The following HCRTR2 variants were observed in gnomAD, a reference collection of about 807,000 sequenced individuals.
The protein encoded by HCRTR2 is hypocretin receptor 2.
Under a neutral mutation model 49.0 loss-of-function variants are expected in HCRTR2, and 22 were observed. The observed-to-expected ratio is 0.45, with a 90% CI of 0.32 to 0.64. The LOEUF is 0.64. Among genes scored for constraint, HCRTR2 ranks in the 30% least tolerant of loss-of-function variants. The pLI is 0.04. For synonymous variants in HCRTR2, 236 were observed against 205.3 expected (o/e 1.15, Z -1.28); for missense variants, 491 against 559.4 (o/e 0.88, Z 1.23).
intron 1 of HCRTR2, among the ~76,000 whole-genome samples, chr6:55,247,740 AT>A (rs1326498125): frequency 1.3e-5 from 2 of 152,120 alleles, no homozygotes; most frequent in Non-Finnish European, 2.9e-5. Flanking sequence ...GAGACAGTAC[AT>A]CTTTTGAACT....
chr6:55,118,773 AT>A (rs1190244133), intron 1 of HCRTR2, among the ~76,000 whole-genome samples: 2 of 150,618 alleles, frequency 1.3e-5, no homozygotes, highest in African/African-American at 4.9e-5. Flanking sequence ...AAATTTTCTT[AT>A]TTATTTATTT....
In HCRTR2 at chr6:55,114,157, C is replaced by T. The variant is rs374051370; in HGVS notation, c.-378+7612C>T. ...TGGAAGGGTGAGGGTTAAAATACTA[C>T]AGATTGGGTACAGTGCACACTGCTC... On this transcript the variant is annotated intron_variant, in intron 1 of 7. Transcript: ENST00000615358. Among the ~76,000 whole-genome samples the T allele has an allele frequency of 8.0e-4, 122 of 151,844 alleles. 3 individuals carry two copies. In the South Asian group the frequency reaches 0.02, roughly 25 times the overall value.
chr6:55,214,362 C>T (rs892630173), intron 1 of HCRTR2, among the ~76,000 whole-genome samples: 3 of 152,088 alleles, frequency 2.0e-5, no homozygotes, highest in Non-Finnish European at 4.4e-5. Flanking sequence ...ATGGGGATCT[C>T]ACTTTGTCAC....
intron 1 of HCRTR2, among the ~76,000 whole-genome samples, chr6:55,182,085 T>C (rs1235346565): frequency 1.3e-5 from 2 of 152,210 alleles, no homozygotes; most frequent in Non-Finnish European, 2.9e-5. Context: ...AAAGTTTATT[T>C]CTTGCTCATT....
intron 1 of HCRTR2, among the ~76,000 whole-genome samples, chr6:55,150,319 C>CTTA (rs113621822): frequency 0.15 from 23,114 of 150,702 alleles, 1,956 homozygotes; most frequent in East Asian, 0.38. Context: ...GTTCTTTCTT[C>CTTA]TTATTATTAT....
chr6:55,234,341 G>C (rs1168626109), intron 1 of HCRTR2, among the ~76,000 whole-genome samples: 2 of 152,042 alleles, frequency 1.3e-5, no homozygotes, highest in African/African-American at 4.8e-5. Flanking sequence ...GTAAAAGATT[G>C]GTTTTGTAAA....
intron 1 of HCRTR2, among the ~76,000 whole-genome samples, chr6:55,117,294 T>C (rs1473312388): frequency 6.6e-6 from 1 of 151,870 alleles, no homozygotes; most frequent in African/African-American, 2.4e-5. Context: ...GAAAGTATCA[T>C]GGTAGCTATT....
chr6:55,127,952 T>G, intron 1 of HCRTR2, among the ~76,000 whole-genome samples: 1 of 152,240 alleles, frequency 6.6e-6, no homozygotes, highest in East Asian at 1.9e-4. Flanking sequence ...CAATTTTTGC[T>G]TTTGTTGCAA....
chr6:55,200,082 C>T (rs142018935), intron 1 of HCRTR2, among the ~76,000 whole-genome samples: 23 of 152,174 alleles, frequency 1.5e-4, no homozygotes, highest in Non-Finnish European at 2.9e-4. Context: ...ATCAGACCCA[C>T]CCTGTTGTAA....
rs777851245 is a variant in HCRTR2, at chr6:55,282,311, C to T, written c.1192C>T (p.Arg398Ter). The change falls in exon 7 of 7, where the codon CGA (arginine) becomes TGA (stop). Residue 398 changes from arginine to a stop codon, truncating the protein, a stop_gained. Transcript: ENST00000370862. LOFTEE classifies it high-confidence loss of function. ...CCAGGAGGATCGGCTCACCAGGGGA[C>T]GAACTAGCACAGAGAGCCGGAAGTC... ...HRQEDRLTRG[R>*]TSTESRKSLT... is the part of the protein sequence containing the mutation. The T allele has an allele frequency of 5.6e-6, 9 of 1,613,540 alleles. No individual in the cohort carries two copies. The highest frequency in any genetic ancestry group is 5.5e-5 in the South Asian group (5 of 91,074).
intron 1 of HCRTR2, among the ~76,000 whole-genome samples, chr6:55,154,679 AATAAATAAATAAATAAATAG>A (rs1287297102): frequency 7.0e-6 from 1 of 142,374 alleles, no homozygotes; most frequent in Non-Finnish European, 1.6e-5. Flanking sequence ...ATTGGGCAAA[AATAAATAAATAAATAAATAG>A]ATAAATAAAT....
intron 1 of HCRTR2, among the ~76,000 whole-genome samples, chr6:55,222,180 A>T (rs567666701): frequency 6.6e-6 from 1 of 152,268 alleles, no homozygotes; most frequent in East Asian, 1.9e-4. Context: ...AAGATGTAAA[A>T]ACAGCCAACA....
At chr6:55,157,541 G>A (rs1764746963) in intron 1 of HCRTR2, among the ~76,000 whole-genome samples, 1 of 152,192 alleles carries the variant, frequency 6.6e-6, no homozygotes, top group Admixed American at 6.5e-5. Context: ...GGGAACACAG[G>A]TGGTAGCCAG....
chr6:55,264,351 T>C (rs1466782088), intron 4 of HCRTR2, among the ~76,000 whole-genome samples: 1 of 152,096 alleles, frequency 6.6e-6, no homozygotes, highest in Admixed American at 6.6e-5. Flanking sequence ...ATAATGCTGA[T>C]TTGGGGTTAC....
intron 1 of HCRTR2, among the ~76,000 whole-genome samples, chr6:55,235,053 A>C (rs2127301586): frequency 6.6e-6 from 1 of 152,306 alleles, no homozygotes; most frequent in Admixed American, 6.5e-5. Context: ...CATAATCATA[A>C]GTGAAAGAAA....
intron 1 of HCRTR2, among the ~76,000 whole-genome samples, chr6:55,218,255 T>C (rs757104305): frequency 2.9e-4 from 44 of 152,280 alleles, no homozygotes; most frequent in Non-Finnish European, 3.7e-4. Context: ...GAAGTTTCAA[T>C]ATGGGTTTCA....
At chr6:55,111,470 T>C (rs1260184106) in intron 1 of HCRTR2, among the ~76,000 whole-genome samples, 5 of 151,876 alleles carry the variant, frequency 3.3e-5, no homozygotes, top group Non-Finnish European at 7.4e-5. Context: ...TGGAAGATAT[T>C]AAAACTGATA....
intron 1 of HCRTR2, among the ~76,000 whole-genome samples, chr6:55,132,288 T>C (rs552742559): frequency 6.6e-6 from 1 of 151,992 alleles, no homozygotes; most frequent in Non-Finnish European, 1.5e-5. Flanking sequence ...TGCACACATT[T>C]TAAGTGAGAA....
At chr6:55,201,983 A>T (rs1419691776) in intron 1 of HCRTR2, among the ~76,000 whole-genome samples, 1 of 152,212 alleles carries the variant, frequency 6.6e-6, no homozygotes, top group East Asian at 1.9e-4. Context: ...AACTTTAAGA[A>T]TGTTATATTC....
Sources: gnomAD v4.1 joint callset for allele counts (sites outside exome capture counted in the v4.1 genomes callset) on GRCh38, gnomAD v4.1.1 for gene constraint, MANE v1.5 for transcripts, NCBI Gene and HGNC (gene_info 2026-07-23, HGNC 2026-07-21) for gene names.